Variants in HNF4A observed in about 807,000 individuals in gnomAD.
HNF4A encodes hepatocyte nuclear factor 4-alpha.
HNF4A carries 15 observed loss-of-function variants against 52.4 expected under a neutral mutation model. The ratio of observed to expected loss-of-function variants is 0.29; its 90% confidence interval spans 0.19 to 0.44. The LOEUF (loss-of-function observed/expected upper bound fraction) is 0.44. Among genes scored for constraint, HNF4A ranks in the 20% least tolerant of loss-of-function variants. The pLI, the probability that HNF4A is intolerant of heterozygous loss-of-function variation, is 1.00. For missense variants in HNF4A, 479 were observed against 647.2 expected, an observed-to-expected ratio of 0.74 and a Z score of 2.82; for synonymous variants, 280 against 264.4, an observed-to-expected ratio of 1.06 and a Z score of -0.57.
intron 3 of HNF4A, among the ~76,000 whole-genome samples, chr20:44,409,933 G>A (rs562635234): frequency 2.0e-5 from 3 of 152,108 alleles, no homozygotes; most frequent in Middle Eastern, 3.4e-3. Context: ...CACCTCCTGG[G>A]TGTGAGTGAT....
intron 1 of HNF4A, among the ~76,000 whole-genome samples, chr20:44,365,510 A>G (rs752935408): frequency 2.6e-5 from 4 of 152,180 alleles, no homozygotes; most frequent in Non-Finnish European, 5.9e-5. Flanking sequence ...AAAAAAGTGC[A>G]TAGATAGATA....
upstream of HNF4A, among the ~76,000 whole-genome samples, chr20:44,400,257 G>A (rs971831354): frequency 6.6e-6 from 1 of 151,916 alleles, no homozygotes; most frequent in Admixed American, 6.6e-5. Flanking sequence ...CTGCACTGGC[G>A]ATACCCCCAC....
At position 44,428,467 on chromosome 20, in the gene HNF4A, C is replaced by A. The variant is rs2063838980; in HGVS notation, c.1262C>A (p.Pro421His). ...AGCAACGGACAGATGTGTGAGTGGC[C>A]CCGACCCAGGGGACAGGCAGGTGGG... The change falls in exon 9 of 10, where the codon CCC becomes CAC. Residue 421 changes from proline to histidine, a missense_variant. Physicochemically the swap from Pro to His is moderately conservative, Grantham distance 77. This residue lies in a region of HNF4A where 389 missense variants were observed against 525.1 expected (regional missense o/e 0.74). Transcript: ENST00000316099. The A allele has an allele frequency of 6.2e-7, 1 of 1,614,090 alleles. No individual in the cohort carries two copies. The highest frequency in any genetic ancestry group is 8.5e-7 in the Non-Finnish European group (1 of 1,180,012).
intron 8 of HNF4A, among the ~76,000 whole-genome samples, chr20:44,424,981 C>T (rs539784167): frequency 1.3e-5 from 2 of 152,218 alleles, no homozygotes; most frequent in East Asian, 3.9e-4. Flanking sequence ...GAAAACCAGA[C>T]TAAGTATTTT....
intron 7 of HNF4A, among the ~76,000 whole-genome samples, chr20:44,423,683 C>T (rs2063778115): frequency 6.6e-6 from 1 of 152,218 alleles, no homozygotes. Flanking sequence ...CAGGACAAGT[C>T]CTATCTTTGC....
intron 1 of HNF4A, among the ~76,000 whole-genome samples, chr20:44,361,173 T>C (rs1454410613): frequency 1.3e-5 from 2 of 152,094 alleles, no homozygotes; most frequent in Admixed American, 1.3e-4. Context: ...TTCACAAACC[T>C]GGTTGCACAT....
rs745467816 is a variant in HNF4A at position 44,429,671 on chromosome 20, C to T, written c.*6C>T. On this transcript the variant is annotated 3_prime_UTR_variant, in exon 10 of 10. Coordinates refer to ENST00000316099, the MANE Select transcript of HNF4A (RefSeq NM_000457.6). Reference sequence around the variant, plus strand: ...CCAAGCAGGAAGTTATCTAGCAAGCCGCTGGGGCTTGGGGGCTCCACTGGC... The same window carrying T: ...CCAAGCAGGAAGTTATCTAGCAAGCTGCTGGGGCTTGGGGGCTCCACTGGC... The T allele has an allele frequency of 2.0e-5, 32 of 1,613,950 alleles. No homozygotes were observed. Among genetic ancestry groups the T allele is most frequent in the South Asian group, 4.4e-5 (4 of 91,080 alleles).
intron 3 of HNF4A, among the ~76,000 whole-genome samples, chr20:44,410,761 G>A (rs966915221): frequency 1.3e-5 from 2 of 152,092 alleles, no homozygotes; most frequent in Non-Finnish European, 2.9e-5. Flanking sequence ...GAGGTGATGT[G>A]ACGGGTCAGG....
chr20:44,374,111 C>A (rs2063060935), intron 1 of HNF4A, among the ~76,000 whole-genome samples: 1 of 152,166 alleles, frequency 6.6e-6, no homozygotes, highest in African/African-American at 2.4e-5. Context: ...AGCATAGTAC[C>A]CAACAGAGAG....
chr20:44,418,508 C>T lies in HNF4A; in HGVS notation c.732C>T (p.Leu244=), dbSNP rs2063697846. The change falls in exon 6 of 10, where the codon CTC becomes CTT. Residue 244 remains leucine (L), a synonymous_variant. Coordinates refer to ENST00000316099, the MANE Select transcript of HNF4A (RefSeq NM_000457.6). ...CCATGGTGTTCAAGGACGTGCTGCT[C>T]CTAGGTGAGGCGGCTGCCTGCCCTG... 2 of 1,611,608 alleles carry T rather than the reference C, an allele frequency of 1.2e-6. No individual in the cohort carries two copies. Among genetic ancestry groups the T allele is most frequent in the Non-Finnish European group, 1.7e-6 (2 of 1,179,456 alleles).
At chr20:44,395,929 C>T (rs1231408008) in intron 1 of HNF4A, among the ~76,000 whole-genome samples, 1 of 152,018 alleles carries the variant, frequency 6.6e-6, no homozygotes, top group Non-Finnish European at 1.5e-5. Context: ...GCCAAGCAGC[C>T]CTGGGGTGGC....
chr20:44,423,954 T>G, intron 7 of HNF4A, 64 bp from the exon 8 acceptor site: 2 of 1,515,760 alleles, frequency 1.3e-6, no homozygotes, highest in Non-Finnish European at 1.8e-6. Flanking sequence ...CATCTGGGTC[T>G]TGACTCCCCA....
chr20:44,417,771 G>A (rs951634877), intron 5 of HNF4A, among the ~76,000 whole-genome samples: 9 of 152,038 alleles, frequency 5.9e-5, no homozygotes, highest in East Asian at 1.9e-4. Flanking sequence ...TCAGGAGTTC[G>A]AGATCAGCCT....
intron 1 of HNF4A, chr20:44,384,627 T>C (rs2063197414): frequency 6.6e-6 from 1 of 152,196 alleles, no homozygotes; most frequent in Non-Finnish European, 1.5e-5. Context: ...CCTTTAAAGC[T>C]TCTGCCCAGG....
At chr20:44,374,558 G>C (rs1049202676) in intron 1 of HNF4A, among the ~76,000 whole-genome samples, 7 of 152,120 alleles carry the variant, frequency 4.6e-5, no homozygotes, top group African/African-American at 1.7e-4. Context: ...CTGCCTCCCA[G>C]GTTCAAGCCA....
intron 1 of HNF4A, among the ~76,000 whole-genome samples, chr20:44,395,152 A>C (rs1353393211): frequency 1.3e-5 from 2 of 152,216 alleles, no homozygotes; most frequent in Non-Finnish European, 2.9e-5. Context: ...CTCGTTGTTA[A>C]GACAAAGCTC....
intron 8 of HNF4A, 23 bp downstream of exon 8, chr20:44,424,277 G>T (rs746816017): frequency 1.2e-6 from 2 of 1,612,746 alleles, no homozygotes; most frequent in South Asian, 1.1e-5. Context: ...CCCAGGAGGG[G>T]CGGGGTTGGA....
intron 1 of HNF4A, among the ~76,000 whole-genome samples, chr20:44,378,419 C>T (rs576118939): frequency 9.2e-5 from 14 of 151,944 alleles, no homozygotes; most frequent in South Asian, 4.2e-4. Context: ...AGGCATGCAC[C>T]GCCGCACCCA....
At chr20:44,387,733 A>G (rs2063248235) in intron 1 of HNF4A, among the ~76,000 whole-genome samples, 2 of 149,766 alleles carry the variant, frequency 1.3e-5, no homozygotes, top group African/African-American at 4.9e-5. Context: ...AAAAAAAAAA[A>G]AGGGAAGAAG....
Sources: gnomAD v4.1 joint callset for allele counts (sites outside exome capture counted in the v4.1 genomes callset) on GRCh38, gnomAD v4.1.1 for gene constraint, gnomAD v4.1.1 regional missense constraint, MANE v1.5 for transcripts, NCBI Gene and HGNC (gene_info 2026-07-23, HGNC 2026-07-21) for gene names.